PEAK1: variants seen among roughly 807,000 people sequenced by gnomAD.
PEAK1 encodes inactive tyrosine-protein kinase PEAK1.
PEAK1 carries 54 observed loss-of-function variants against 124.7 expected under a neutral mutation model. The ratio of observed to expected loss-of-function variants is 0.43; its 90% CI spans 0.35 to 0.54. The LOEUF (loss-of-function observed/expected upper bound fraction) is 0.54, where lower values mean the gene tolerates loss of function less well. PEAK1 is among the 20% of genes least tolerant of loss of function. The probability of loss-of-function intolerance (pLI) is 0.01; values close to 1 mark genes in which losing one functional copy is unlikely to be tolerated. For missense variants in PEAK1, 2,046 were observed against 2,134.5 expected (o/e 0.96, Z 0.82); for synonymous variants, 719 against 760.0 (o/e 0.95, Z 0.89).
At chr15:77,202,690 A>G (rs1043953672) in intron 6 of PEAK1, among the ~76,000 whole-genome samples, 4 of 152,076 alleles carry the variant, frequency 2.6e-5, no homozygotes, top group Non-Finnish European at 5.9e-5. Context: ...GAATGATGCG[A>G]ACCCGGAGGC....
At chr15:77,384,490 T>C (rs1382384551) in intron 1 of PEAK1, among the ~76,000 whole-genome samples, 1 of 152,224 alleles carries the variant, frequency 6.6e-6, no homozygotes, top group Non-Finnish European at 1.5e-5. Flanking sequence ...AATCTGCACA[T>C]GTAGCTGGAC....
chr15:77,115,910 C>T (rs1305604839), intron 9 of PEAK1, among the ~76,000 whole-genome samples: 2 of 152,200 alleles, frequency 1.3e-5, no homozygotes, highest in Non-Finnish European at 2.9e-5. Context: ...AACACTGGCA[C>T]TCATGGTTCA....
chr15:77,262,078 C>A (rs529215858), intron 5 of PEAK1, among the ~76,000 whole-genome samples: 3 of 152,108 alleles, frequency 2.0e-5, no homozygotes, highest in Non-Finnish European at 4.4e-5. Flanking sequence ...TTGTCACTAC[C>A]AGGCCTGCCC....
At chr15:77,242,468 T>C (rs1292006703) in intron 6 of PEAK1, among the ~76,000 whole-genome samples, 2 of 152,110 alleles carry the variant, frequency 1.3e-5, no homozygotes, top group Non-Finnish European at 2.9e-5. Flanking sequence ...ATTAAGCCTC[T>C]AGGCTATCTG....
At chr15:77,162,493 CAAAA>C (rs71143393) in intron 7 of PEAK1, among the ~76,000 whole-genome samples, 1 of 70,456 alleles carries the variant, frequency 1.4e-5, no homozygotes, top group Non-Finnish European at 2.4e-5. Flanking sequence ...GACTCCATCT[CAAAA>C]AAAAAAAAAA....
intron 6 of PEAK1, among the ~76,000 whole-genome samples, chr15:77,197,545 T>A (rs932983716): frequency 2.0e-5 from 3 of 152,202 alleles, no homozygotes; most frequent in South Asian, 2.1e-4. Context: ...AATTTTTGGT[T>A]CTACCTTTAC....
intron 7 of PEAK1, among the ~76,000 whole-genome samples, chr15:77,176,040 G>A (rs2056844091): frequency 6.6e-6 from 1 of 151,868 alleles, no homozygotes; most frequent in Non-Finnish European, 1.5e-5. Flanking sequence ...CTCATAGATG[G>A]GAATTGAACA....
chr15:77,346,638 G>C (rs1287020733), intron 2 of PEAK1: 1 of 985,070 alleles, frequency 1.0e-6, no homozygotes, highest in African/African-American at 1.7e-5. Context: ...CGAAGAAACA[G>C]AAAAATGTCA....
intron 6 of PEAK1, among the ~76,000 whole-genome samples, chr15:77,199,393 T>C (rs1017394599): frequency 2.0e-5 from 3 of 152,162 alleles, no homozygotes; most frequent in Non-Finnish European, 2.9e-5. Flanking sequence ...TCGGGGGCCA[T>C]AGGACCTTTA....
chr15:77,324,056 T>C (rs1057131226), intron 2 of PEAK1, among the ~76,000 whole-genome samples: 1 of 152,054 alleles, frequency 6.6e-6, no homozygotes, highest in African/African-American at 2.4e-5. Context: ...TTTAACAAAG[T>C]TTAAGACTTT....
chr15:77,290,829 C>G (rs1422104371), intron 2 of PEAK1, among the ~76,000 whole-genome samples: 1 of 152,156 alleles, frequency 6.6e-6, no homozygotes, highest in African/African-American at 2.4e-5. Context: ...AGCATTCACC[C>G]TAATACCTTA....
intron 1 of PEAK1, among the ~76,000 whole-genome samples, chr15:77,384,975 T>C (rs1221580062): frequency 2.0e-5 from 3 of 152,194 alleles, no homozygotes; most frequent in Non-Finnish European, 4.4e-5. Flanking sequence ...TGTTCATCTA[T>C]GAAATAAAGG....
rs146947850 is a variant in PEAK1 at position 77,189,536 on chromosome 15, C to T, written c.-114-7496G>A. ...AGGCACACCCACACCTTCCCCTCCT[C>T]AGCTCTAAGATGATCAGTCCAGGTG... is the stretch of plus-strand genomic sequence containing the variant. On this transcript the variant is annotated intron_variant, in intron 6 of 9. Coordinates refer to ENST00000682557, the MANE Select transcript of PEAK1 (RefSeq NM_001385026.1). 4.0e-4 allele frequency among the ~76,000 whole-genome samples: 61 copies of T among 152,348 alleles called. No homozygotes were observed. In the East Asian group the frequency reaches 0.01, roughly 26 times the overall value.
chr15:77,171,540 A>G (rs1490637012), intron 7 of PEAK1, among the ~76,000 whole-genome samples: 1 of 152,164 alleles, frequency 6.6e-6, no homozygotes, highest in Middle Eastern at 3.2e-3. Flanking sequence ...TGGGGGAAGA[A>G]AAGGATAGGC....
In PEAK1 at chr15:77,402,373, T is replaced by C. The variant is rs528216175; in HGVS notation, c.-666+17633A>G. On this transcript the variant is annotated intron_variant, in intron 1 of 9. Transcript: ENST00000682557. The stretch of plus-strand genomic sequence containing the variant: ...AGAGGCAAGTTCCTTCTTCTCCTCT[T>C]TAAATGAGACCAATTATTTCATTCA... 598 of 985,338 alleles carry C rather than the reference T, an allele frequency of 6.1e-4. 2 individuals carry two copies. The African/African-American group carries it at 9.6e-3, about 16-fold the overall frequency. 61.0% of individuals were successfully genotyped at this position (985,338 alleles called of 1,614,324 possible).
At position 77,202,549 on chromosome 15, in the gene PEAK1, G is replaced by T. The variant is rs556072460; in HGVS notation, c.-114-20509C>A. On this transcript the variant is annotated intron_variant, in intron 6 of 9. Transcript: ENST00000682557. The stretch of plus-strand genomic sequence containing the variant: ...TGGGAATCCGAGGTGGGCGGATCAC[G>T]AGGTCAGGAGATCGAGACCATCCTG... Among the ~76,000 whole-genome samples the T allele has an allele frequency of 2.6e-5, 4 of 151,106 alleles. No individual in the cohort carries two copies. In the East Asian group the frequency reaches 7.8e-4, roughly 30 times the overall value.
chr15:77,417,460 G>GGT (rs1424416626), intron 1 of PEAK1: 1 of 786,822 alleles, frequency 1.3e-6, no homozygotes, highest in Non-Finnish European at 1.5e-6. Context: ...GATGCGGGGC[G>GGT]GGGGGGGAGG....
chr15:77,387,713 A>G (rs2070071360), intron 1 of PEAK1, among the ~76,000 whole-genome samples: 1 of 152,244 alleles, frequency 6.6e-6, no homozygotes, highest in Non-Finnish European at 1.5e-5. Context: ...TCCCAAAAAA[A>G]CAAGCAATAA....
At chr15:77,315,531 T>C (rs2064815595) in intron 2 of PEAK1, among the ~76,000 whole-genome samples, 2 of 152,132 alleles carry the variant, frequency 1.3e-5, no homozygotes, top group African/African-American at 4.8e-5. Context: ...TAATCTCTAC[T>C]GTATTTCCTA....
Sources: gnomAD v4.1 joint callset for allele counts (sites outside exome capture counted in the v4.1 genomes callset) on GRCh38, gnomAD v4.1.1 for gene constraint, MANE v1.5 for transcripts, NCBI Gene and HGNC (gene_info 2026-07-23, HGNC 2026-07-21) for gene names.